The following PHF12 variants were observed in gnomAD, a reference collection of about 807,000 sequenced individuals.
The protein encoded by PHF12 is PHD factor 1.
Under a neutral mutation model 99.8 loss-of-function variants are expected in PHF12, and 6 were observed. The observed-to-expected ratio is 0.06, with a 90% CI of 0.03 to 0.12. PHF12 has a LOEUF of 0.12. Among genes scored for constraint, PHF12 ranks in the 10% least tolerant of loss-of-function variants. The probability of loss-of-function intolerance (pLI) is 1.00; values close to 1 mark genes in which losing one functional copy is unlikely to be tolerated. For missense variants in PHF12, 954 were observed against 1,300.1 expected, an observed-to-expected ratio of 0.73 and a Z score of 4.09; for synonymous variants, 480 against 514.9, an observed-to-expected ratio of 0.93 and a Z score of 0.92.
intron 4 of PHF12, among the ~76,000 whole-genome samples, chr17:28,923,653 C>CAAAAA (rs35263191): frequency 0.02 from 869 of 43,410 alleles, 90 homozygotes; most frequent in African/African-American, 0.069. Context: ...GTGAGACTCA[C>CAAAAA]AAAAAAAAAA....
chr17:28,934,583 T>G (rs2040472135), intron 2 of PHF12, among the ~76,000 whole-genome samples: 1 of 151,840 alleles, frequency 6.6e-6, no homozygotes, highest in South Asian at 2.1e-4. Context: ...TGTTTGAACC[T>G]TTCTTTTCTT....
At chr17:28,934,164 G>C (rs2040464803) in intron 2 of PHF12, among the ~76,000 whole-genome samples, 1 of 152,200 alleles carries the variant, frequency 6.6e-6, no homozygotes, top group Admixed American at 6.5e-5. Flanking sequence ...CATGGTTCTT[G>C]ATTTTAGGGA....
rs761222585 is a variant in PHF12, at chr17:28,906,892, G to C, written c.2644C>G (p.Pro882Ala). ...DFSEKTPPTPPSSIVAKVQSV... is the reference protein window; with the variant it reads ...DFSEKTPPTPASSIVAKVQSV... Reference sequence around the variant, plus strand: ...TGCACTTTGGCAACAATACTGCTTGGGGGGGTTGGCGGGGTCTTCTCCGAG... The same window carrying C: ...TGCACTTTGGCAACAATACTGCTTGCGGGGGTTGGCGGGGTCTTCTCCGAG... The change falls in exon 14 of 15, where the codon CCA (proline) becomes GCA (alanine). Residue 882 changes from proline to alanine, a missense_variant. Around this residue, in one of 8 missense-constraint regions of PHF12, gnomAD observed 136 missense variants for 172.3 expected, o/e 0.79. Coordinates refer to ENST00000332830, the MANE Select transcript of PHF12 (RefSeq NM_001033561.2). This position sits in a 1 kb window ranked among gnomAD's most constrained non-coding sequence, Gnocchi z 4.2. 5.3e-5 allele frequency: 85 copies of C among 1,612,012 alleles called. No individual in the cohort carries two copies. Among genetic ancestry groups the C allele is most frequent in the African/African-American group, 1.7e-4 (13 of 74,802 alleles).
chr17:28,919,677 GT>G (rs1338852064), intron 5 of PHF12, among the ~76,000 whole-genome samples: 1 of 152,144 alleles, frequency 6.6e-6, no homozygotes, highest in Non-Finnish European at 1.5e-5. Context: ...GAGGCCGGAG[GT>G]TGCAGTGAGC....
chr17:28,917,098 C>T (rs1484952668), intron 7 of PHF12, among the ~76,000 whole-genome samples, 187 bp downstream of exon 7: 1 of 152,134 alleles, frequency 6.6e-6, no homozygotes, highest in South Asian at 2.1e-4. Context: ...ACTTGAGGTT[C>T]GGCCCTCATA....
rs1472914009 is a variant in PHF12 at position 28,951,276 on chromosome 17, G to T, written c.-316C>A. ...GCTAAAGCCGGCACTGGCGACAGCCGGTCCGGCCGGGAAGGCTGGCGGGCG... is the reference window on the plus strand; with the variant it reads ...GCTAAAGCCGGCACTGGCGACAGCCTGTCCGGCCGGGAAGGCTGGCGGGCG... On this transcript the variant is annotated 5_prime_UTR_variant, in exon 1 of 15. Coordinates refer to ENST00000332830, the MANE Select transcript of PHF12 (RefSeq NM_001033561.2). 8.6e-6 allele frequency: 10 copies of T among 1,159,952 alleles called. No homozygotes were observed. The highest frequency in any genetic ancestry group is 8.5e-6 in the Non-Finnish European group (8 of 937,742). The allele number at this position is 1,159,952 out of a possible 1,614,324, so 71.9% of individuals were successfully genotyped here. A position where few individuals can be genotyped will look rare whatever the true frequency, so the allele number is the denominator to read the frequency against.
At chr17:28,911,284 C>A (rs1471152772) in intron 9 of PHF12, 47 bp from the exon 10 acceptor site, 1 of 1,609,212 alleles carries the variant, frequency 6.2e-7, no homozygotes, top group Admixed American at 1.7e-5. Context: ...CTGAGGGAAA[C>A]CCACCGTCCA....
rs2039872187 is a variant in PHF12 at position 28,906,433 on chromosome 17, C to G, written c.2765G>C (p.Arg922Thr). 1.2e-6 allele frequency: 2 copies of G among 1,614,020 alleles called. No individual in the cohort carries two copies. The highest frequency in any genetic ancestry group is 1.7e-6 in the Non-Finnish European group (2 of 1,180,052). The change falls in exon 15 of 15, where the codon AGA becomes ACA. Residue 922 changes from arginine to threonine, a missense_variant. Physicochemically the swap from Arg to Thr is moderately conservative, Grantham distance 71. Around this residue, in one of 8 missense-constraint regions of PHF12, gnomAD observed 136 missense variants for 172.3 expected, o/e 0.79. Coordinates refer to ENST00000332830, the MANE Select transcript of PHF12 (RefSeq NM_001033561.2). This position sits in a 1 kb window ranked among gnomAD's most constrained non-coding sequence, Gnocchi z 4.2. Reference protein sequence around the residue: ...MSSQAQGPQRRPCNCKASSSS... With the variant: ...MSSQAQGPQRTPCNCKASSSS... The stretch of plus-strand genomic sequence containing the variant: ...GCTGCTGGCTTTGCAATTGCAGGGT[C>G]TCCGCTGCGGCCCCTGGGCCTGGGA...
chr17:28,917,408 C>T lies in PHF12; in HGVS notation c.1011G>A (p.Val337=). Residue 337 remains valine (V), a synonymous_variant, in exon 7 of 15, where the codon GTG becomes GTA. Transcript: ENST00000332830. ...AAACGGTGTCCTGGAAACGATCAAACACCTGGCACCGATTGCTCAGTGTCA... is the reference window on the plus strand; with the variant it reads ...AAACGGTGTCCTGGAAACGATCAAATACCTGGCACCGATTGCTCAGTGTCA... ...KNMTLSNRCQ[V]FDRFQDTVSQ... is the part of the protein sequence containing the mutation. 1 of 1,613,816 alleles carries T rather than the reference C, an allele frequency of 6.2e-7. No homozygotes were observed. The highest frequency in any genetic ancestry group is 8.5e-7 in the Non-Finnish European group (1 of 1,179,822).
At chr17:28,927,506 G>A (rs1379386857) in intron 2 of PHF12, among the ~76,000 whole-genome samples, 2 of 152,118 alleles carry the variant, frequency 1.3e-5, no homozygotes, top group Non-Finnish European at 2.9e-5. Context: ...CCTTTAGAAA[G>A]CTATGCCTGT....
chr17:28,950,254 C>T lies in PHF12; in HGVS notation c.67-8G>A. On this transcript the variant is annotated splice_polypyrimidine_tract_variant and splice_region_variant and intron_variant, in intron 1 of 14. Transcript: ENST00000332830. The surrounding 1 kb of genome is among the most constrained non-coding windows in gnomAD (Gnocchi z 5.7). ...CAGCAGAGCTTGGATTTGCTGCACA[C>T]ACATACAAACGGCGTGTGTGCACAC... 6 of 1,604,700 alleles carry T rather than the reference C, an allele frequency of 3.7e-6. No individual in the cohort carries two copies. Among genetic ancestry groups the T allele is most frequent in the Non-Finnish European group, 5.1e-6 (6 of 1,178,800 alleles).
At chr17:28,918,727 G>A (rs1351402773) in intron 6 of PHF12, among the ~76,000 whole-genome samples, 1 of 152,218 alleles carries the variant, frequency 6.6e-6, no homozygotes, top group Non-Finnish European at 1.5e-5. Context: ...ACTCTTGGAA[G>A]AGAAAGCAAT....
rs535550802 is a variant in PHF12, at chr17:28,947,351, CTGAT to C, written c.248+2710_248+2713del. ...ACATTAAATACTTGATCTAACTACT[CTGAT>C]TGAGTTAATAAAATACTTCACTCTC... On this transcript the variant is annotated intron_variant, in intron 2 of 14. Transcript: ENST00000332830. Among the ~76,000 whole-genome samples, 13 of 152,240 alleles carry C rather than the reference CTGAT, an allele frequency of 8.5e-5. 1 individual carries two copies. Among genetic ancestry groups the C allele is most frequent in the Admixed American group, 5.2e-4 (8 of 15,282 alleles).
chr17:28,908,933 C>T, intron 11 of PHF12, 52 bp from the exon 12 acceptor site: 3 of 1,536,122 alleles, frequency 2.0e-6, no homozygotes, highest in Non-Finnish European at 1.8e-6. Context: ...ATCCTGTGAT[C>T]CAAACATAAA....
At chr17:28,910,191 T>G (rs200652567) in intron 11 of PHF12, 35 bp downstream of exon 11, 22 of 1,613,800 alleles carry the variant, frequency 1.4e-5, no homozygotes, top group Non-Finnish European at 1.8e-5. Flanking sequence ...AGAGGGGAGA[T>G]CTGATGATGT....
chr17:28,923,796 A>G, intron 4 of PHF12, 113 bp downstream of exon 4: 1 of 1,303,734 alleles, frequency 7.7e-7, no homozygotes, highest in Non-Finnish European at 1.0e-6. Flanking sequence ...AACTAGGAAC[A>G]GGAACCCAAG....
intron 2 of PHF12, chr17:28,944,545 C>T (rs1027163821): frequency 5.1e-6 from 5 of 981,030 alleles, no homozygotes; most frequent in Middle Eastern, 5.2e-4. Flanking sequence ...CAACATGACA[C>T]GTAAGGCAGG....
At chr17:28,936,282 A>C (rs902534779) in intron 2 of PHF12, among the ~76,000 whole-genome samples, 3 of 152,146 alleles carry the variant, frequency 2.0e-5, no homozygotes, top group Non-Finnish European at 4.4e-5. Flanking sequence ...ATCCATCCAG[A>C]ACAAGCAGTT....
intron 2 of PHF12, among the ~76,000 whole-genome samples, chr17:28,931,381 G>A (rs895568187): frequency 2.0e-5 from 3 of 150,948 alleles, no homozygotes; most frequent in South Asian, 4.2e-4. Flanking sequence ...TCAGCCTCCC[G>A]AGTAGCTGGG....
Sources: gnomAD v4.1 joint callset for allele counts (sites outside exome capture counted in the v4.1 genomes callset) on GRCh38, gnomAD v4.1.1 for gene constraint, gnomAD v4.1.1 regional missense constraint, Gnocchi (gnomAD v3.1) non-coding constraint, MANE v1.5 for transcripts, NCBI Gene and HGNC (gene_info 2026-07-23, HGNC 2026-07-21) for gene names.